The following SELPLG variants were observed in gnomAD, a reference collection of about 807,000 sequenced individuals.
SELPLG encodes selectin P ligand.
Under a neutral mutation model 1.1 loss-of-function variants are expected in SELPLG, and 2 were observed. That is an observed-to-expected ratio of 1.82 (90% CI 0.74 to 5.71). The LOEUF (loss-of-function observed/expected upper bound fraction) is 5.71, where lower values mean the gene tolerates loss of function less well. Ranked by LOEUF, SELPLG falls within the 30% of genes most tolerant of loss-of-function variation. SELPLG has a pLI of 0.05. For synonymous variants in SELPLG, 230 were observed against 221.2 expected (o/e 1.04, Z -0.35); for missense variants, 478 against 524.7 (o/e 0.91, Z 0.87).
chr12:108,622,456 G>T lies in SELPLG; in HGVS notation c.*613C>A, dbSNP rs1453196322. On this transcript the variant is annotated 3_prime_UTR_variant, in exon 2 of 2. Coordinates refer to ENST00000550948, the MANE Select transcript of SELPLG (RefSeq NM_003006.4). Reference sequence around the variant, plus strand: ...AGTCCCAAAGAAAGGTCTGCCCTTGGGCCCACGAAACCCATCCCAGCCCTC... The same window carrying T: ...AGTCCCAAAGAAAGGTCTGCCCTTGTGCCCACGAAACCCATCCCAGCCCTC... 3.9e-5 allele frequency: 6 copies of T among 152,304 alleles called. No individual in the cohort carries two copies. The highest frequency in any genetic ancestry group is 7.3e-5 in the Non-Finnish European group (5 of 68,172). The allele number at this position is 152,304 out of a possible 1,614,324, so 9.4% of individuals were successfully genotyped here.
Position 108,622,675 on chromosome 12 carries a change from G to A in SELPLG, c.*394C>T, listed in dbSNP as rs1592816605. 5.0e-6 allele frequency: 1 copy of A among 198,652 alleles called. No homozygotes were observed. Among genetic ancestry groups the A allele is most frequent in the South Asian group, 1.4e-4 (1 of 7,366 alleles). 12.3% of individuals were successfully genotyped at this position (198,652 alleles called of 1,614,324 possible). On this transcript the variant is annotated 3_prime_UTR_variant, in exon 2 of 2. Transcript: ENST00000550948. ...GGCAGTGCAGTGCGTGTGGGATGGG[G>A]GAGCTCCATCTTCCTTGGGTACATG...
rs377034787 is a variant in SELPLG, at chr12:108,623,029, C to T, written c.*40G>A. ...CACTCAGGGGTGGCCCAGGAGAGCC[C>T]GTGGAGGTGGGGTCTTGCCAAAACA... is the stretch of plus-strand genomic sequence containing the variant. On this transcript the variant is annotated 3_prime_UTR_variant, in exon 2 of 2. Transcript: ENST00000550948. The T allele has an allele frequency of 1.5e-5, 22 of 1,456,164 alleles. No homozygotes were observed. The African/African-American group carries it at 2.0e-4, about 13-fold the overall frequency. 90.2% of individuals were successfully genotyped at this position (1,456,164 alleles called of 1,614,324 possible).
chr12:108,624,363 C>T, intron 1 of SELPLG, 51 bp from the exon 2 acceptor site: 1 of 1,557,006 alleles, frequency 6.4e-7, no homozygotes, highest in Admixed American at 1.8e-5. Flanking sequence ...CACCCTTGGG[C>T]TTAGCAAGCA....
At position 108,623,439 on chromosome 12, in the gene SELPLG, G is replaced by A; in HGVS notation, c.869C>T (p.Ser290Phe). The A allele has an allele frequency of 6.2e-7, 1 of 1,614,272 alleles. No homozygotes were observed. The highest frequency in any genetic ancestry group is 8.5e-7 in the Non-Finnish European group (1 of 1,180,040). Residue 290 changes from serine (S) to phenylalanine (F), a missense_variant, in exon 2 of 2, where the codon TCT becomes TTT. Physicochemically the swap from Ser to Phe is radical, Grantham distance 155. Coordinates refer to ENST00000550948, the MANE Select transcript of SELPLG (RefSeq NM_003006.4). ...RGLFIPFSVSSVTHKGIPMAA... is the reference protein window; with the variant it reads ...RGLFIPFSVSFVTHKGIPMAA... ...CATGGGAATGCCCTTGTGAGTAACA[G>A]AGGACACAGAAAAGGGTATGAACAG...
rs1294543622 is a variant in SELPLG at position 108,624,729 on chromosome 12, A to G, written c.-5-417T>C. Among the ~76,000 whole-genome samples the G allele has an allele frequency of 1.5e-4, 20 of 137,920 alleles. 1 individual carries two copies. Among genetic ancestry groups the G allele is most frequent in the African/African-American group, 5.3e-4 (19 of 35,706 alleles). The allele number at this position is 137,920 out of a possible 152,430, so 90.5% of individuals were successfully genotyped here. On this transcript the variant is annotated intron_variant, in intron 1 of 1. Transcript: ENST00000550948. The stretch of plus-strand genomic sequence containing the variant: ...TTTTTAGATGGAGTCTTGCTCTGTC[A>G]CCCAGGCTGGAGTACAGTGGCGCTA...
At chr12:108,633,500 C>CA (rs1353746276) in intron 1 of SELPLG, among the ~76,000 whole-genome samples, 1 of 151,146 alleles carries the variant, frequency 6.6e-6, no homozygotes, top group Non-Finnish European at 1.5e-5. Context: ...GACCCTGTCT[C>CA]AAAAAAAGAA....
At chr12:108,633,241 A>G (rs1375923369) in intron 1 of SELPLG, among the ~76,000 whole-genome samples, 1 of 152,200 alleles carries the variant, frequency 6.6e-6, no homozygotes, top group Non-Finnish European at 1.5e-5. Context: ...CTGGTGGGTC[A>G]CACCTGTAAT....
chr12:108,629,660 C>G (rs922745536), intron 1 of SELPLG, among the ~76,000 whole-genome samples: 1 of 152,034 alleles, frequency 6.6e-6, no homozygotes, highest in South Asian at 2.1e-4. Flanking sequence ...GAGCTATGAT[C>G]GCACCACTGC....
At chr12:108,632,730 G>A (rs1456520418) in intron 1 of SELPLG, among the ~76,000 whole-genome samples, 3 of 151,984 alleles carry the variant, frequency 2.0e-5, no homozygotes, top group Non-Finnish European at 4.4e-5. Flanking sequence ...TGCCCAGGTT[G>A]GTCTAGAACT....
chr12:108,632,211 C>T (rs752862886), intron 1 of SELPLG: 2 of 407,452 alleles, frequency 4.9e-6, no homozygotes, highest in Non-Finnish European at 8.9e-6. Flanking sequence ...AGGGCACGGC[C>T]TCGGAAGAGA....
intron 1 of SELPLG, among the ~76,000 whole-genome samples, chr12:108,633,181 G>A (rs1488682332): frequency 3.9e-5 from 6 of 152,150 alleles, no homozygotes; most frequent in South Asian, 2.1e-4. Context: ...CAAGCCAGAC[G>A]CTGCAGGCAA....
At position 108,625,261 on chromosome 12, in the gene SELPLG, C is replaced by A. The variant is rs8179138; in HGVS notation, c.-5-949G>T. Among the ~76,000 whole-genome samples, 921 of 152,214 alleles carry A rather than the reference C, an allele frequency of 6.1e-3. 8 individuals carry two copies. The highest frequency in any genetic ancestry group is 0.021 in the African/African-American group (858 of 41,504). On this transcript the variant is annotated intron_variant, in intron 1 of 1. Transcript: ENST00000550948. ...CCTCCTTCTCCTATCTTGCTTCCAC[C>A]CTCCATAGCCCTTGCCAGTCCTCAG...
At chr12:108,624,490 G>C (rs2031897298) in intron 1 of SELPLG, among the ~76,000 whole-genome samples, 178 bp from the exon 2 acceptor site, 1 of 152,096 alleles carries the variant, frequency 6.6e-6, no homozygotes, top group Non-Finnish European at 1.5e-5. Context: ...GCCAGTAGCA[G>C]TTATTATTAT....
At chr12:108,627,984 A>C (rs1182152498) in intron 1 of SELPLG, among the ~76,000 whole-genome samples, 1 of 152,088 alleles carries the variant, frequency 6.6e-6, no homozygotes, top group Non-Finnish European at 1.5e-5. Flanking sequence ...GGAGGCGGAG[A>C]TGGGAGAATT....
chr12:108,632,249 C>T (rs1240771423), intron 1 of SELPLG, among the ~76,000 whole-genome samples: 1 of 152,182 alleles, frequency 6.6e-6, no homozygotes, highest in Non-Finnish European at 1.5e-5. Flanking sequence ...GGCCTGGGAG[C>T]CACCTTCTGA....
rs1195690170 is a variant in SELPLG at position 108,623,693 on chromosome 12, T to C, written c.615A>G (p.Ala205=). The C allele has an allele frequency of 6.6e-7, 1 of 1,522,304 alleles. No homozygotes were observed. Among genetic ancestry groups the C allele is most frequent in the Non-Finnish European group, 8.7e-7 (1 of 1,144,692 alleles). The allele number at this position is 1,522,304 out of a possible 1,614,324, so 94.3% of individuals were successfully genotyped here. A position where few individuals can be genotyped will look rare whatever the true frequency, so the allele number is the denominator to read the frequency against. The change falls in exon 2 of 2, where the codon GCA becomes GCG. Residue 205 remains alanine (A), a synonymous_variant. Coordinates refer to ENST00000550948, the MANE Select transcript of SELPLG (RefSeq NM_003006.4). ...TGGTCTGTGCTTCCATGGCTGCTGG[T>C]GCAGTGGTCTGTGCCTCCATGGCTG... is the stretch of plus-strand genomic sequence containing the variant. ...APAAMEAQTT[A]PAAMEAQTTP...
rs34381191 is a variant in SELPLG at position 108,624,686 on chromosome 12, C to CTT, written c.-5-376_-5-375dup. ...GTTCTATTAACTTTTCATGTCACTC[C>CTT]TTTTTTCTTTTTTTTTTTTTTTAGA... On this transcript the variant is annotated intron_variant, in intron 1 of 1. Transcript: ENST00000550948. Among the ~76,000 whole-genome samples, 79 of 143,038 alleles carry CTT rather than the reference C, an allele frequency of 5.5e-4. 2 individuals carry two copies. Among genetic ancestry groups the CTT allele is most frequent in the African/African-American group, 1.8e-3 (67 of 37,294 alleles). The allele number at this position is 143,038 out of a possible 152,430, so 93.8% of individuals were successfully genotyped here. A position where few individuals can be genotyped will look rare whatever the true frequency, so the allele number is the denominator to read the frequency against.
At chr12:108,628,888 G>C (rs1292183144) in intron 1 of SELPLG, 1 of 152,320 alleles carries the variant, frequency 6.6e-6, no homozygotes, top group Non-Finnish European at 1.5e-5. Flanking sequence ...AACTCGGGCA[G>C]GTTGCTTCAC....
At position 108,623,249 on chromosome 12, in the gene SELPLG, G is replaced by A. The variant is rs371647258; in HGVS notation, c.1059C>T (p.Pro353=). 2.5e-5 allele frequency: 41 copies of A among 1,609,976 alleles called. No individual in the cohort carries two copies. Among genetic ancestry groups the A allele is most frequent in the Admixed American group, 1.8e-4 (11 of 59,690 alleles). The change falls in exon 2 of 2, where the codon CCC becomes CCT. Residue 353 remains proline (P), a synonymous_variant. Coordinates refer to ENST00000550948, the MANE Select transcript of SELPLG (RefSeq NM_003006.4). ...TCTCGGTGGGGGAGTAATTACGCAC[G>A]GGGTACATGTGGCCCTTGCGGGAGA... ...VRLSRKGHMY[P]VRNYSPTEMV... is the part of the protein sequence containing the mutation.
Sources: gnomAD v4.1 joint callset for allele counts (sites outside exome capture counted in the v4.1 genomes callset) on GRCh38, gnomAD v4.1.1 for gene constraint, MANE v1.5 for transcripts, NCBI Gene and HGNC (gene_info 2026-07-23, HGNC 2026-07-21) for gene names.